The following POLR1A variants were observed in gnomAD, a reference collection of about 807,000 sequenced individuals.
POLR1A encodes RNA polymerase I subunit A.
In POLR1A, 84 loss-of-function variants were observed where a neutral mutation model predicts 205.3. That is an observed-to-expected ratio of 0.41 (90% CI 0.34 to 0.49). The LOEUF is 0.49. POLR1A is among the 20% of genes least tolerant of loss of function. The probability of loss-of-function intolerance (pLI) is 0.22; values close to 1 mark genes in which losing one functional copy is unlikely to be tolerated. For synonymous variants in POLR1A, 799 were observed against 863.7 expected (o/e 0.93, Z 1.31); for missense variants, 1,645 against 2,204.5 (o/e 0.75, Z 5.08).
chr2:86,069,954 C>G (rs1351556794), intron 13 of POLR1A, 64 bp downstream of exon 13: 12 of 1,543,806 alleles, frequency 7.8e-6, no homozygotes, highest in Non-Finnish European at 1.0e-5. Context: ...GCTGGCAGGG[C>G]CCAACTTAAA....
At chr2:86,046,040 T>A (rs1672703604) in intron 19 of POLR1A, among the ~76,000 whole-genome samples, 1 of 142,032 alleles carries the variant, frequency 7.0e-6, no homozygotes, top group African/African-American at 3.1e-5. Flanking sequence ...CAGAACCATC[T>A]CATGTTATAC....
chr2:86,100,008 A>G lies in POLR1A; in HGVS notation c.242T>C (p.Ile81Thr), dbSNP rs779334452. 24 of 1,614,026 alleles carry G rather than the reference A, an allele frequency of 1.5e-5. No homozygotes were observed. Among genetic ancestry groups the G allele is most frequent in the Admixed American group, 3.3e-5 (2 of 60,002 alleles). The change falls in exon 2 of 34, where the codon ATT becomes ACT. Residue 81 changes from isoleucine to threonine, a missense_variant. Physicochemically the swap from Ile to Thr is moderately conservative, Grantham distance 89. Transcript: ENST00000263857. Reference protein sequence around the residue: ...FSNCSGHLGHIELPLTVYNPL... With the variant: ...FSNCSGHLGHTELPLTVYNPL... ...GTTATACACTGTGAGTGGGAGCTCA[A>G]TGTGGCCCAGGTGCCCAGAACAGTT... is the stretch of plus-strand genomic sequence containing the variant.
chr2:86,043,922 G>A, intron 22 of POLR1A, among the ~76,000 whole-genome samples: 1 of 152,166 alleles, frequency 6.6e-6, no homozygotes, highest in Non-Finnish European at 1.5e-5. Flanking sequence ...TATTCCAGAG[G>A]TGCTCGTGCC....
chr2:86,097,945 C>T (rs1434721031), intron 3 of POLR1A, among the ~76,000 whole-genome samples: 1 of 152,134 alleles, frequency 6.6e-6, no homozygotes, highest in African/African-American at 2.4e-5. Context: ...TGCTAATTAT[C>T]CTGATCTGAT....
In POLR1A at chr2:86,099,329, C is replaced by A. The variant is rs952211073; in HGVS notation, c.283-569G>T. On this transcript the variant is annotated intron_variant, in intron 2 of 33. Coordinates refer to ENST00000263857, the MANE Select transcript of POLR1A (RefSeq NM_015425.6). Reference sequence around the variant, plus strand: ...CCAAGATCGTGCCACTGCACTCCAGCCTGGGAGACGGAATGAGACACTGTC... The same window carrying A: ...CCAAGATCGTGCCACTGCACTCCAGACTGGGAGACGGAATGAGACACTGTC... 6.0e-5 allele frequency among the ~76,000 whole-genome samples: 9 copies of A among 150,980 alleles called. 1 individual carries two copies. The South Asian group carries it at 1.9e-3, about 32-fold the overall frequency.
rs1326470996 is a variant in POLR1A, at chr2:86,031,201, T to A, written c.4578+129A>T. The A allele has an allele frequency of 4.4e-6, 6 of 1,361,542 alleles. No homozygotes were observed. In the East Asian group the frequency reaches 1.5e-4, roughly 33 times the overall value. 84.3% of individuals were successfully genotyped at this position (1,361,542 alleles called of 1,614,324 possible). On this transcript the variant is annotated intron_variant, in intron 30 of 33. Transcript: ENST00000263857. ...ACAGGAGGCCTGGCTGTGCTCTGAG[T>A]GGGAGACCATGGGGAATGTTGGCTG...
Position 86,042,058 on chromosome 2 carries a change from A to G in POLR1A, c.3403T>C (p.Tyr1135His). ...GGACAAGCGGCCGCCTTCTTCTGGT[A>G]TTTCCTTCGGCTTTCCTCATCCAAC... ...YELDEESRRK[Y>H]QKKAAACPDP... The change falls in exon 24 of 34, where the codon TAC (tyrosine) becomes CAC (histidine). Residue 1135 changes from tyrosine to histidine, a missense_variant. Tyr to His is a moderately conservative substitution (Grantham distance 83). Transcript: ENST00000263857. 2 of 1,613,362 alleles carry G rather than the reference A, an allele frequency of 1.2e-6. No individual in the cohort carries two copies. Among genetic ancestry groups the G allele is most frequent in the South Asian group, 1.1e-5 (1 of 91,036 alleles).
At chr2:86,058,341 C>T (rs1320454730) in intron 14 of POLR1A, among the ~76,000 whole-genome samples, 5 of 151,176 alleles carry the variant, frequency 3.3e-5, no homozygotes, top group Admixed American at 6.6e-5. Context: ...TGTCGTGATC[C>T]GGCCGCCTTG....
chr2:86,105,278 T>C (rs952231384), intron 1 of POLR1A, among the ~76,000 whole-genome samples: 2 of 152,276 alleles, frequency 1.3e-5, no homozygotes, highest in South Asian at 4.1e-4. Context: ...ACCGAGAATA[T>C]AGCAGGGTCC....
At chr2:86,050,595 T>G (rs1573811424) in intron 16 of POLR1A, among the ~76,000 whole-genome samples, 1 of 152,358 alleles carries the variant, frequency 6.6e-6, no homozygotes, top group African/African-American at 2.4e-5. Context: ...CTGGATCATC[T>G]TCACACTCAA....
intron 3 of POLR1A, among the ~76,000 whole-genome samples, chr2:86,096,988 C>T (rs145179079): frequency 3.0e-4 from 46 of 151,876 alleles, no homozygotes; most frequent in African/African-American, 9.9e-4. Context: ...GGCTTAATAT[C>T]CAGAATATGT....
chr2:86,029,075 A>T (rs1259241207), intron 31 of POLR1A, among the ~76,000 whole-genome samples: 2 of 152,200 alleles, frequency 1.3e-5, no homozygotes, highest in African/African-American at 4.8e-5. Flanking sequence ...GCAGCGACAC[A>T]TTACACACCC....
chr2:86,041,190 T>TGTGTGTGCACGCGCGC (rs1212728761), intron 24 of POLR1A, among the ~76,000 whole-genome samples: 1 of 41,926 alleles, frequency 2.4e-5, no homozygotes, highest in African/African-American at 7.0e-5. Flanking sequence ...TGTGTGTGTG[T>TGTGTGTGCACGCGCGC]GCGCGCTGAG....
At chr2:86,082,854 A>T (rs1673429119) in intron 7 of POLR1A, among the ~76,000 whole-genome samples, 2 of 152,184 alleles carry the variant, frequency 1.3e-5, no homozygotes, top group Non-Finnish European at 2.9e-5. Context: ...GTCATTTCAT[A>T]ACCAGGCTCA....
At chr2:86,102,507 T>A (rs1299295474) in intron 1 of POLR1A, among the ~76,000 whole-genome samples, 1 of 152,252 alleles carries the variant, frequency 6.6e-6, no homozygotes, top group Admixed American at 6.5e-5. Context: ...TCTTTTTATG[T>A]TCTAGATATC....
Position 86,022,036 on chromosome 2 carries a change from G to A in POLR1A, c.*5387C>T, listed in dbSNP as rs1314150265. Reference sequence around the variant, plus strand: ...TGACCACTCGTGGTAGGACAGCGATGCTGCTTAAAGAACTTAAGGAACGAA... The same window carrying A: ...TGACCACTCGTGGTAGGACAGCGATACTGCTTAAAGAACTTAAGGAACGAA... On this transcript the variant is annotated 3_prime_UTR_variant, in exon 34 of 34. Coordinates refer to ENST00000263857, the MANE Select transcript of POLR1A (RefSeq NM_015425.6). 6.6e-6 allele frequency: 1 copy of A among 152,244 alleles called. No homozygotes were observed. Among genetic ancestry groups the A allele is most frequent in the Non-Finnish European group, 1.5e-5 (1 of 68,038 alleles). 9.4% of individuals were successfully genotyped at this position (152,244 alleles called of 1,614,324 possible). A position where few individuals can be genotyped will look rare whatever the true frequency, so the allele number is the denominator to read the frequency against.
rs901954629 is a variant in POLR1A, at chr2:86,077,807, GCGCGCACACACACACA to G, written c.1380+36_1380+51del. 5.9e-5 allele frequency: 59 copies of G among 1,008,036 alleles called. 5 individuals carry two copies. The highest frequency in any genetic ancestry group is 1.0e-4 in the African/African-American group (4 of 38,256). 62.4% of individuals were successfully genotyped at this position (1,008,036 alleles called of 1,614,324 possible). On this transcript the variant is annotated intron_variant, in intron 11 of 33. Transcript: ENST00000263857. ...GGGAGCAAATGAGCCCTGCACGCGC[GCGCGCACACACACACA>G]CACACACACACACACACACACACAC...
At chr2:86,035,238 C>T (rs1188258783) in intron 27 of POLR1A, among the ~76,000 whole-genome samples, 1 of 152,196 alleles carries the variant, frequency 6.6e-6, no homozygotes, top group Admixed American at 6.5e-5. Context: ...AAAGCCCCCT[C>T]ATCCATTAAT....
intron 14 of POLR1A, among the ~76,000 whole-genome samples, chr2:86,060,774 G>A (rs568865189): frequency 2.0e-5 from 3 of 152,176 alleles, no homozygotes; most frequent in Non-Finnish European, 4.4e-5. Flanking sequence ...CAAGACCTCA[G>A]GGCAGGCAAA....
Sources: gnomAD v4.1 joint callset for allele counts (sites outside exome capture counted in the v4.1 genomes callset) on GRCh38, gnomAD v4.1.1 for gene constraint, MANE v1.5 for transcripts, NCBI Gene and HGNC (gene_info 2026-07-23, HGNC 2026-07-21) for gene names.